KCNQ3: variants seen among roughly 807,000 people sequenced by gnomAD.
The protein encoded by KCNQ3 is potassium voltage-gated channel subfamily Q member 3.
KCNQ3 carries 30 observed loss-of-function variants against 92.5 expected under a neutral mutation model. The observed-to-expected ratio is 0.32, with a 90% CI of 0.24 to 0.44. The LOEUF (loss-of-function observed/expected upper bound fraction) is 0.44, where lower values mean the gene tolerates loss of function less well. Ranked by LOEUF, KCNQ3 falls within the 20% of genes least tolerant of loss-of-function variation. The probability of loss-of-function intolerance (pLI) is 1.00; values close to 1 mark genes in which losing one functional copy is unlikely to be tolerated. For missense variants in KCNQ3, 913 were observed against 1,140.3 expected, an observed-to-expected ratio of 0.80 and a Z score of 2.87; for synonymous variants, 450 against 468.8, an observed-to-expected ratio of 0.96 and a Z score of 0.52.
chr8:132,327,944 T>C (rs1818108048), intron 1 of KCNQ3, among the ~76,000 whole-genome samples: 1 of 152,072 alleles, frequency 6.6e-6, no homozygotes, highest in African/African-American at 2.4e-5. Context: ...CAGGCCTCTC[T>C]GTGGGATCTA....
intron 1 of KCNQ3, among the ~76,000 whole-genome samples, chr8:132,212,618 A>T (rs1252544896): frequency 1.3e-5 from 2 of 151,980 alleles, no homozygotes; most frequent in South Asian, 4.2e-4. Flanking sequence ...GTCAAGCAGA[A>T]GGCCTTCCCC....
intron 5 of KCNQ3, among the ~76,000 whole-genome samples, chr8:132,175,011 A>G (rs1173079384): frequency 6.6e-6 from 1 of 152,248 alleles, no homozygotes; most frequent in African/African-American, 2.4e-5. Context: ...GGTTAGTGAA[A>G]GTAAAGCACC....
At chr8:132,442,662 T>C (rs1437325525) in intron 1 of KCNQ3, among the ~76,000 whole-genome samples, 1 of 152,154 alleles carries the variant, frequency 6.6e-6, no homozygotes, top group Admixed American at 6.5e-5. Context: ...GGGAGCCGCA[T>C]GAGCTCCTAC....
intron 1 of KCNQ3, among the ~76,000 whole-genome samples, chr8:132,446,341 C>T (rs1463072988): frequency 1.3e-5 from 2 of 152,340 alleles, no homozygotes; most frequent in South Asian, 2.1e-4. Context: ...TCATGCCACA[C>T]ATTAGCTTGA....
At chr8:132,204,474 C>G (rs1813589946) in intron 1 of KCNQ3, among the ~76,000 whole-genome samples, 1 of 152,256 alleles carries the variant, frequency 6.6e-6, no homozygotes, top group African/African-American at 2.4e-5. Flanking sequence ...GCTCATCTTT[C>G]TCCAGCCTCA....
chr8:132,321,407 T>A (rs776783614), intron 1 of KCNQ3: 2 of 152,482 alleles, frequency 1.3e-5, no homozygotes, highest in Non-Finnish European at 2.9e-5. Flanking sequence ...CGAACACTAT[T>A]TTCTCCTCCA....
At chr8:132,249,899 G>A (rs779165394) in intron 1 of KCNQ3, among the ~76,000 whole-genome samples, 2 of 152,194 alleles carry the variant, frequency 1.3e-5, no homozygotes, top group South Asian at 2.1e-4. Flanking sequence ...CCTGGCCCAG[G>A]TACTAAGCCC....
chr8:132,284,573 T>A (rs911719858), intron 1 of KCNQ3, among the ~76,000 whole-genome samples: 2 of 152,166 alleles, frequency 1.3e-5, no homozygotes, highest in African/African-American at 4.8e-5. Flanking sequence ...TTGCTCGGGT[T>A]ACCAGCCCAA....
chr8:132,256,018 A>C (rs1433588808), intron 1 of KCNQ3, among the ~76,000 whole-genome samples: 1 of 152,172 alleles, frequency 6.6e-6, no homozygotes, highest in East Asian at 1.9e-4. Context: ...TTGTCAAAAA[A>C]AATTGTCTGT....
chr8:132,268,998 G>A (rs540986900), intron 1 of KCNQ3, among the ~76,000 whole-genome samples: 5 of 152,214 alleles, frequency 3.3e-5, no homozygotes, highest in African/African-American at 1.2e-4. Flanking sequence ...ATTATCATGT[G>A]GAACATCTTT....
At chr8:132,297,294 C>G in intron 1 of KCNQ3, among the ~76,000 whole-genome samples, 1 of 151,810 alleles carries the variant, frequency 6.6e-6, no homozygotes. Flanking sequence ...GATATTAGCC[C>G]TTTGTCAGAT....
intron 1 of KCNQ3, among the ~76,000 whole-genome samples, chr8:132,429,694 C>T (rs1033700170): frequency 1.3e-5 from 2 of 151,912 alleles, no homozygotes; most frequent in Non-Finnish European, 2.9e-5. Context: ...AACCCTGTCT[C>T]TACTAAAAAT....
intron 1 of KCNQ3, among the ~76,000 whole-genome samples, chr8:132,406,475 C>T (rs1228256711): frequency 6.6e-6 from 1 of 152,074 alleles, no homozygotes; most frequent in African/African-American, 2.4e-5. Flanking sequence ...TTGTCAGTCT[C>T]ACCCCCTCCA....
At chr8:132,298,259 G>A (rs1407643317) in intron 1 of KCNQ3, among the ~76,000 whole-genome samples, 1 of 152,144 alleles carries the variant, frequency 6.6e-6, no homozygotes, top group Non-Finnish European at 1.5e-5. Context: ...TGCATTCATG[G>A]GGTATGAGAT....
chr8:132,406,778 T>C (rs920680160), intron 1 of KCNQ3, among the ~76,000 whole-genome samples: 17 of 152,166 alleles, frequency 1.1e-4, no homozygotes, highest in African/African-American at 4.1e-4. Context: ...TACAATTCAA[T>C]TGACTCCGAC....
intron 13 of KCNQ3, among the ~76,000 whole-genome samples, chr8:132,133,235 G>A (rs1001335339): frequency 1.1e-4 from 16 of 152,084 alleles, no homozygotes; most frequent in Admixed American, 9.8e-4. Flanking sequence ...ACCTCTTTTA[G>A]ATGGGGCACG....
At chr8:132,370,238 A>G (rs139426540) in intron 1 of KCNQ3, among the ~76,000 whole-genome samples, 35 of 152,326 alleles carry the variant, frequency 2.3e-4, no homozygotes, top group African/African-American at 7.5e-4. Context: ...GCGAATTTGT[A>G]TTTGTGATCC....
At chr8:132,170,939 A>G (rs1826319994) in intron 7 of KCNQ3, among the ~76,000 whole-genome samples, 1 of 151,794 alleles carries the variant, frequency 6.6e-6, no homozygotes, top group Non-Finnish European at 1.5e-5. Context: ...GGATAAATTG[A>G]GCCCAGGAGG....
At chr8:132,140,754 T>C (rs1197793998) in intron 10 of KCNQ3, 13 of 297,318 alleles carry the variant, frequency 4.4e-5, no homozygotes, top group Admixed American at 9.7e-5. Context: ...CAGAGGGCGC[T>C]TTTCTGCCAC....
Sources: gnomAD v4.1 joint callset for allele counts (sites outside exome capture counted in the v4.1 genomes callset) on GRCh38, gnomAD v4.1.1 for gene constraint, MANE v1.5 for transcripts, NCBI Gene and HGNC (gene_info 2026-07-23, HGNC 2026-07-21) for gene names.